AP2A2: variants seen among roughly 807,000 people sequenced by gnomAD.
AP2A2 encodes the protein adaptor related protein complex 2 subunit alpha 2, also known as AP-2 complex subunit alpha-2.
Under a neutral mutation model 104.2 loss-of-function variants are expected in AP2A2, and 32 were observed. The observed-to-expected ratio is 0.31, with a 90% CI of 0.23 to 0.41. The LOEUF (loss-of-function observed/expected upper bound fraction) is 0.41, where lower values mean the gene tolerates loss of function less well. Ranked by LOEUF, AP2A2 falls within the 10% of genes least tolerant of loss-of-function variation. The pLI, the probability that AP2A2 is intolerant of heterozygous loss-of-function variation, is 1.00. For missense variants in AP2A2, 912 were observed against 1,261.0 expected (o/e 0.72, Z 4.19); for synonymous variants, 539 against 533.3 (o/e 1.01, Z -0.15).
chr11:985,835 C>T (rs1229626387), intron 8 of AP2A2, among the ~76,000 whole-genome samples: 1 of 152,250 alleles, frequency 6.6e-6, no homozygotes, highest in African/African-American at 2.4e-5. Flanking sequence ...TTCCCCTGAG[C>T]ATCCCCACTC....
Position 993,485 on chromosome 11 carries a change from A to G in AP2A2, c.1550+104A>G, listed in dbSNP as rs1432937726. ...AGCTGGCCCTGCCGTGAGGCCTCGC[A>G]GAGCCGCTTCTGCTCCCCATCGGCG... On this transcript the variant is annotated intron_variant, in intron 12 of 21. Coordinates refer to ENST00000448903, the MANE Select transcript of AP2A2 (RefSeq NM_012305.4). This position sits in a 1 kb window ranked among gnomAD's most constrained non-coding sequence, Gnocchi z 8.2. The G allele has an allele frequency of 5.8e-6, 5 of 859,474 alleles. No homozygotes were observed. In the Admixed American group the frequency reaches 1.3e-4, roughly 22 times the overall value. The allele number at this position is 859,474 out of a possible 1,614,324, so 53.2% of individuals were successfully genotyped here.
In AP2A2 at chr11:993,873, C is replaced by T; in HGVS notation, c.1670C>T (p.Thr557Ile). ...AACCTCTTCCCGGAGGTGAAGCCCA[C>T]CATCCAGGACGTGCTGCGCAGCGAC... is the stretch of plus-strand genomic sequence containing the variant. ...FVNLFPEVKP[T>I]IQDVLRSDSQ... Residue 557 changes from threonine (T) to isoleucine (I), a missense_variant, in exon 13 of 22, where the codon ACC becomes ATC. By Grantham distance (89) the Thr-to-Ile change is moderately conservative. Around this residue, in one of 7 missense-constraint regions of AP2A2, gnomAD observed 137 missense variants for 186.9 expected, o/e 0.73. Coordinates refer to ENST00000448903, the MANE Select transcript of AP2A2 (RefSeq NM_012305.4). The surrounding 1 kb of genome is among the most constrained non-coding windows in gnomAD (Gnocchi z 8.2). 6.2e-7 allele frequency: 1 copy of T among 1,610,296 alleles called. No homozygotes were observed. Among genetic ancestry groups the T allele is most frequent in the Non-Finnish European group, 8.5e-7 (1 of 1,179,676 alleles).
chr11:990,303 G>A (rs997187409), intron 10 of AP2A2, among the ~76,000 whole-genome samples: 7 of 152,192 alleles, frequency 4.6e-5, no homozygotes, highest in Non-Finnish European at 7.3e-5. Flanking sequence ...AGGGCTGTCT[G>A]TAGAGGGGCC....
chr11:1,002,859 A>G (rs1856071945), intron 15 of AP2A2, among the ~76,000 whole-genome samples: 1 of 152,158 alleles, frequency 6.6e-6, no homozygotes, highest in South Asian at 2.1e-4. Context: ...GCCGTGCAGC[A>G]TTTGCTTCTT....
At position 986,614 on chromosome 11, in the gene AP2A2, C is replaced by T. The variant is rs578147895; in HGVS notation, c.963-171C>T. The stretch of plus-strand genomic sequence containing the variant: ...ATGGATGTCAGGGGTGGGGGTCGGG[C>T]GTCATCTGCATCTGGGGAGGCCCCC... On this transcript the variant is annotated intron_variant, in intron 8 of 21. Transcript: ENST00000448903. Among the ~76,000 whole-genome samples the T allele has an allele frequency of 1.1e-4, 16 of 152,300 alleles. No homozygotes were observed. The East Asian group carries it at 2.1e-3, about 20-fold the overall frequency.
At chr11:966,382 C>T (rs1201914503) in intron 2 of AP2A2, among the ~76,000 whole-genome samples, 1 of 152,120 alleles carries the variant, frequency 6.6e-6, no homozygotes, top group East Asian at 1.9e-4. Context: ...CCTGTGGTCC[C>T]AGCCACTTGG....
intron 1 of AP2A2, among the ~76,000 whole-genome samples, chr11:958,694 G>T (rs1012665885): frequency 6.6e-6 from 1 of 152,062 alleles, no homozygotes; most frequent in Non-Finnish European, 1.5e-5. Context: ...ATTTGCTGAG[G>T]ACTTCTCTTG....
At chr11:1,004,489 C>CTGGCCTGG (rs1856138303) in intron 16 of AP2A2, among the ~76,000 whole-genome samples, 1 of 150,836 alleles carries the variant, frequency 6.6e-6, no homozygotes, top group Admixed American at 6.6e-5. Context: ...AATAAACAGA[C>CTGGCCTGG]TGGCCTGGTG....
chr11:943,196 G>A (rs1440194610), intron 1 of AP2A2: 1 of 152,146 alleles, frequency 6.6e-6, no homozygotes, highest in Non-Finnish European at 1.5e-5. Context: ...GGGAGCTTTG[G>A]CAAGAGTCAA....
At chr11:991,399 T>C (rs954962018) in intron 10 of AP2A2, among the ~76,000 whole-genome samples, 4 of 152,210 alleles carry the variant, frequency 2.6e-5, no homozygotes, top group Admixed American at 1.3e-4. Context: ...CCTGGGGGGC[T>C]GTGTGGACTT....
At chr11:959,594 C>A in intron 2 of AP2A2, 89 bp downstream of exon 2, 1 of 854,942 alleles carries the variant, frequency 1.2e-6, no homozygotes, top group Non-Finnish European at 1.8e-6. Flanking sequence ...TTCTTTTCTC[C>A]CACACTAAAG....
Position 1,000,478 on chromosome 11 carries a change from C to G in AP2A2, c.2003C>G (p.Pro668Arg), listed in dbSNP as rs1251668421. The G allele has an allele frequency of 1.3e-6, 2 of 1,540,426 alleles. No homozygotes were observed. The highest frequency in any genetic ancestry group is 2.0e-5 in the Admixed American group (1 of 51,116). The change falls in exon 15 of 22, where the codon CCC becomes CGC. Residue 668 changes from proline (P) to arginine (R), a missense_variant. Physicochemically the swap from Pro to Arg is moderately radical, Grantham distance 103. Transcript: ENST00000448903. The part of the protein sequence containing the change: ...SADLLGLGAA[P>R]PAPAGPPPSS... Reference sequence around the variant, plus strand: ...GACCTGCTGGGTCTCGGGGCTGCCCCCCCTGCCCCCGCGGGCCCCCCACCC... The same window carrying G: ...GACCTGCTGGGTCTCGGGGCTGCCCGCCCTGCCCCCGCGGGCCCCCCACCC...
intron 1 of AP2A2, among the ~76,000 whole-genome samples, chr11:954,546 TTATG>T (rs1428782574): frequency 1.3e-5 from 2 of 152,192 alleles, no homozygotes; most frequent in Non-Finnish European, 2.9e-5. Context: ...GTATTTGTAT[TTATG>T]TGTGTTTGTA....
At chr11:932,704 G>C (rs1382557904) in intron 1 of AP2A2, 2 of 456,218 alleles carry the variant, frequency 4.4e-6, no homozygotes, top group South Asian at 3.1e-5. Context: ...AATTTTTCTT[G>C]CCAAGGTTGG....
intron 1 of AP2A2, among the ~76,000 whole-genome samples, chr11:946,262 A>G (rs181017350): frequency 4.6e-5 from 7 of 152,218 alleles, no homozygotes; most frequent in Admixed American, 2.0e-4. Context: ...CCTTATAACC[A>G]TGGTAGCTGG....
chr11:981,367 T>C (rs1234784337), intron 6 of AP2A2, 68 bp downstream of exon 6: 2 of 1,280,758 alleles, frequency 1.6e-6, no homozygotes, highest in Non-Finnish European at 2.2e-6. Flanking sequence ...TATTAGCTTA[T>C]TTGTAGAATG....
At chr11:970,919 G>A (rs1854807045) in intron 3 of AP2A2, among the ~76,000 whole-genome samples, 1 of 152,232 alleles carries the variant, frequency 6.6e-6, no homozygotes, top group African/African-American at 2.4e-5. Flanking sequence ...CTCTACTTTT[G>A]AAGTCTTCTT....
rs1301685791 is a variant in AP2A2, at chr11:968,097, T to G, written c.137-2072T>G. The stretch of plus-strand genomic sequence containing the variant: ...GTGTGGAGCGAGCATTGCTGCTTGT[T>G]TCCTGTGGCCCTGGGTTAGGCCAGG... On this transcript the variant is annotated intron_variant, in intron 2 of 21. Transcript: ENST00000448903. This position sits in a 1 kb window ranked among gnomAD's most constrained non-coding sequence, Gnocchi z 4.2. Among the ~76,000 whole-genome samples, 1 of 151,608 alleles carries G rather than the reference T, an allele frequency of 6.6e-6. No individual in the cohort carries two copies. Among genetic ancestry groups the G allele is most frequent in the Non-Finnish European group, 1.5e-5 (1 of 67,948 alleles).
chr11:925,888 C>G lies in AP2A2; in HGVS notation c.-134C>G, dbSNP rs1285601607. 5.0e-5 allele frequency: 29 copies of G among 583,210 alleles called. No individual in the cohort carries two copies. Among genetic ancestry groups the G allele is most frequent in the Middle Eastern group, 5.5e-4 (1 of 1,830 alleles). 36.1% of individuals were successfully genotyped at this position (583,210 alleles called of 1,614,324 possible). On this transcript the variant is annotated 5_prime_UTR_variant, in exon 1 of 22. Coordinates refer to ENST00000448903, the MANE Select transcript of AP2A2 (RefSeq NM_012305.4). Reference sequence around the variant, plus strand: ...GCGGCCCAGAAAGCGGCGCTGGGACCCTGAGGCGGCCGTGGTTAGGCGGCT... The same window carrying G: ...GCGGCCCAGAAAGCGGCGCTGGGACGCTGAGGCGGCCGTGGTTAGGCGGCT...
Sources: allele counts gnomAD v4.1 joint callset (sites outside exome capture counted in the v4.1 genomes callset), GRCh38; gene constraint gnomAD v4.1.1; regional missense constraint gnomAD v4.1.1; non-coding constraint Gnocchi (gnomAD v3.1); transcripts MANE v1.5; gene names NCBI Gene and HGNC (gene_info 2026-07-23, HGNC 2026-07-21).